Variants in CDH12 observed in about 807,000 individuals in gnomAD.
CDH12 encodes cadherin 12.
Under a neutral mutation model 74.1 loss-of-function variants are expected in CDH12, and 41 were observed. That is an observed-to-expected ratio of 0.55 (90% CI 0.43 to 0.72). The LOEUF is 0.72. CDH12 is among the 30% of genes least tolerant of loss of function. The probability of loss-of-function intolerance (pLI) is 0.00; values close to 1 mark genes in which losing one functional copy is unlikely to be tolerated. For missense variants in CDH12, 945 were observed against 977.2 expected, an observed-to-expected ratio of 0.97 and a Z score of 0.44; for synonymous variants, 399 against 355.0, an observed-to-expected ratio of 1.12 and a Z score of -1.39.
intron 5 of CDH12, among the ~76,000 whole-genome samples, chr5:22,032,724 T>C (rs1738901756): frequency 6.8e-6 from 1 of 147,436 alleles, no homozygotes; most frequent in African/African-American, 2.5e-5. Context: ...AAAAAATGTA[T>C]ATACATATTT....
intron 1 of CDH12, among the ~76,000 whole-genome samples, chr5:22,531,222 A>C (rs1191191439): frequency 2.6e-5 from 4 of 152,150 alleles, no homozygotes; most frequent in Admixed American, 2.6e-4. Context: ...TATAACTTAT[A>C]CAAAAATTTT....
rs1737866689 is a variant in CDH12, at chr5:22,536,790, G to T, written c.-522-31426C>A. ...TATTTTTTGTTTATTTATATTGCAG[G>T]TTAATTGTATGAACTTTAAGCTACA... On this transcript the variant is annotated intron_variant, in intron 1 of 14. Transcript: ENST00000382254. Among the ~76,000 whole-genome samples the T allele has an allele frequency of 1.3e-5, 2 of 152,118 alleles. 1 individual carries two copies. The highest frequency in any genetic ancestry group is 4.1e-4 in the South Asian group (2 of 4,828).
chr5:22,089,211 T>C (rs1328928842), intron 4 of CDH12, among the ~76,000 whole-genome samples: 2 of 152,130 alleles, frequency 1.3e-5, no homozygotes, highest in Non-Finnish European at 1.5e-5. Context: ...CACTAAGAGA[T>C]AAATGACCAA....
chr5:22,518,608 C>T (rs900856662), intron 1 of CDH12, among the ~76,000 whole-genome samples: 6 of 152,270 alleles, frequency 3.9e-5, no homozygotes, highest in Admixed American at 3.9e-4. Flanking sequence ...TGTTGAAAGA[C>T]ATCTTTCAAC....
At chr5:22,039,783 T>A (rs1739439818) in intron 5 of CDH12, among the ~76,000 whole-genome samples, 1 of 152,090 alleles carries the variant, frequency 6.6e-6, no homozygotes, top group African/African-American at 2.4e-5. Flanking sequence ...TGAGTCACCA[T>A]GCCCTTTCCA....
intron 2 of CDH12, among the ~76,000 whole-genome samples, chr5:22,424,061 G>A (rs1246846611): frequency 1.1e-4 from 16 of 146,850 alleles, no homozygotes; most frequent in African/African-American, 3.5e-4. Context: ...AAAAAAAAGA[G>A]GGTGACTGCA....
intron 3 of CDH12, among the ~76,000 whole-genome samples, chr5:22,280,847 G>A (rs1334461235): frequency 6.6e-6 from 1 of 152,162 alleles, no homozygotes; most frequent in Non-Finnish European, 1.5e-5. Flanking sequence ...AATAGAAAAA[G>A]AGCGAATCCT....
At chr5:22,498,585 A>C (rs1275639411) in intron 2 of CDH12, among the ~76,000 whole-genome samples, 1 of 151,892 alleles carries the variant, frequency 6.6e-6, no homozygotes, top group Non-Finnish European at 1.5e-5. Context: ...ATGTCACCCA[A>C]ATATGTCTGT....
intron 7 of CDH12, among the ~76,000 whole-genome samples, chr5:21,845,984 G>T (rs1389450160): frequency 6.6e-6 from 1 of 152,084 alleles, no homozygotes; most frequent in Non-Finnish European, 1.5e-5. Flanking sequence ...GGAGAGAAAA[G>T]GGCTACCTAG....
Position 21,952,750 on chromosome 5 carries a change from A to ATT in CDH12, c.526+22339_526+22340dup, listed in dbSNP as rs543406412. Among the ~76,000 whole-genome samples, 240 of 146,260 alleles carry ATT rather than the reference A, an allele frequency of 1.6e-3. 4 individuals are homozygous for ATT. The highest frequency in any genetic ancestry group is 5.6e-3 in the African/African-American group (218 of 39,090). On this transcript the variant is annotated intron_variant, in intron 6 of 14. Coordinates refer to ENST00000382254, the MANE Select transcript of CDH12 (RefSeq NM_004061.5). Reference sequence around the variant, plus strand: ...TATTTGAGTTGAGGACTAAATTCTGATTTTTTTTTTTCATCTTGCCCAAAT... The same window carrying ATT: ...TATTTGAGTTGAGGACTAAATTCTGATTTTTTTTTTTTTCATCTTGCCCAAAT...
chr5:21,776,245 T>A (rs1745582066), intron 11 of CDH12, among the ~76,000 whole-genome samples: 1 of 152,172 alleles, frequency 6.6e-6, no homozygotes, highest in Admixed American at 6.6e-5. Flanking sequence ...ACAAGCACAC[T>A]GAATCTTGCT....
At chr5:22,078,318 C>A (rs1742473817) in intron 5 of CDH12, 128 bp downstream of exon 5, 3 of 744,304 alleles carry the variant, frequency 4.0e-6, no homozygotes, top group Non-Finnish European at 6.7e-6. Flanking sequence ...TAAACCAGGT[C>A]TCTTGGATTT....
At chr5:22,814,957 C>CA (rs1160136679) in intron 1 of CDH12, among the ~76,000 whole-genome samples, 1 of 151,980 alleles carries the variant, frequency 6.6e-6, no homozygotes, top group Non-Finnish European at 1.5e-5. Flanking sequence ...CAGATAGCTT[C>CA]AGAAGAGAAA....
At chr5:22,731,863 A>G (rs1283216102) in intron 1 of CDH12, among the ~76,000 whole-genome samples, 2 of 151,876 alleles carry the variant, frequency 1.3e-5, no homozygotes, top group African/African-American at 4.8e-5. Flanking sequence ...TTCCTCTTAA[A>G]TAATTAAAAT....
intron 2 of CDH12, among the ~76,000 whole-genome samples, chr5:22,478,091 T>C (rs1297754309): frequency 2.0e-5 from 3 of 152,144 alleles, no homozygotes; most frequent in Non-Finnish European, 4.4e-5. Flanking sequence ...AGGAATCCTA[T>C]TTAAATGGAA....
intron 1 of CDH12, among the ~76,000 whole-genome samples, chr5:22,763,702 G>A (rs543779238): frequency 4.6e-5 from 7 of 152,002 alleles, no homozygotes; most frequent in Admixed American, 2.0e-4. Context: ...CCCATCATGC[G>A]AAAATGTTCA....
At chr5:22,776,057 T>C (rs1747083750) in intron 1 of CDH12, among the ~76,000 whole-genome samples, 2 of 152,110 alleles carry the variant, frequency 1.3e-5, no homozygotes, top group Admixed American at 1.3e-4. Context: ...GAACTGTAAG[T>C]CCAATTAAAT....
chr5:22,447,485 T>G (rs534940967), intron 2 of CDH12, among the ~76,000 whole-genome samples: 1 of 152,258 alleles, frequency 6.6e-6, no homozygotes, highest in Admixed American at 6.5e-5. Flanking sequence ...TAAAAAATTC[T>G]GATGTATTTA....
At position 22,532,375 on chromosome 5, in the gene CDH12, A is replaced by G. The variant is rs1308823512; in HGVS notation, c.-522-27011T>C. ...GATATATATATATATATATATATAT[A>G]TATGTATGTATCCTATTTTGCTCCT... On this transcript the variant is annotated intron_variant, in intron 1 of 14. Transcript: ENST00000382254. 1.5e-3 allele frequency among the ~76,000 whole-genome samples: 113 copies of G among 75,784 alleles called. 4 individuals are homozygous for G. The highest frequency in any genetic ancestry group is 4.2e-3 in the African/African-American group (92 of 21,982). 49.7% of individuals were successfully genotyped at this position (75,784 alleles called of 152,430 possible).
Sources: gnomAD v4.1 joint callset for allele counts (sites outside exome capture counted in the v4.1 genomes callset) on GRCh38, gnomAD v4.1.1 for gene constraint, MANE v1.5 for transcripts, NCBI Gene and HGNC (gene_info 2026-07-23, HGNC 2026-07-21) for gene names.